INSRR: variants seen among roughly 807,000 people sequenced by gnomAD.
The protein encoded by INSRR is insulin receptor-related protein.
Under a neutral mutation model 130.0 loss-of-function variants are expected in INSRR, and 114 were observed. The ratio of observed to expected loss-of-function variants is 0.88; its 90% CI spans 0.75 to 1.02. The LOEUF is 1.02. Among genes scored for constraint, INSRR ranks in the 50% least tolerant of loss-of-function variants. The probability of loss-of-function intolerance (pLI) is 0.00; values close to 1 mark genes in which losing one functional copy is unlikely to be tolerated. For missense variants in INSRR, 1,657 were observed against 1,735.2 expected (o/e 0.95, Z 0.80); for synonymous variants, 674 against 705.2 (o/e 0.96, Z 0.70).
rs1655341499 is a variant in INSRR, at chr1:156,854,445, C to A, written c.86-142G>T. Reference sequence around the variant, plus strand: ...CTCTGCTCTGGGTGTGGGGTGGCCTCCTTCCTGGGCCCCGGAGGGCTCACC... The same window carrying A: ...CTCTGCTCTGGGTGTGGGGTGGCCTACTTCCTGGGCCCCGGAGGGCTCACC... On this transcript the variant is annotated intron_variant, in intron 1 of 21. Coordinates refer to ENST00000368195, the MANE Select transcript of INSRR (RefSeq NM_014215.3). This position sits in a 1 kb window ranked among gnomAD's most constrained non-coding sequence, Gnocchi z 4.2. 11 of 882,478 alleles carry A rather than the reference C, an allele frequency of 1.2e-5. No homozygotes were observed. The highest frequency in any genetic ancestry group is 2.7e-5 in the East Asian group (1 of 37,432). The allele number at this position is 882,478 out of a possible 1,614,324, so 54.7% of individuals were successfully genotyped here.
intron 5 of INSRR, 101 bp from the exon 6 acceptor site, chr1:156,849,561 G>C (rs970118064): frequency 7.3e-6 from 6 of 824,426 alleles, no homozygotes; most frequent in African/African-American, 3.4e-5. Flanking sequence ...TGCTGGGCCC[G>C]GGGAGAGGGG....
At position 156,845,239 on chromosome 1, in the gene INSRR, C is replaced by G. The variant is rs569399383; in HGVS notation, c.2274G>C (p.Ser758=). The change falls in exon 12 of 22, where the codon TCG becomes TCC. Residue 758 remains serine (S), a synonymous_variant. Transcript: ENST00000368195. ...AGPLRLGGNS[S]DFEIQEDKVP... is the part of the protein sequence containing the mutation. ...CCTTGTCCTCCTGGATCTCGAAATCCGAGCTGTTGCCCCCCAGCCGGAGGG... is the reference window on the plus strand; with the variant it reads ...CCTTGTCCTCCTGGATCTCGAAATCGGAGCTGTTGCCCCCCAGCCGGAGGG... 33 of 1,610,520 alleles carry G rather than the reference C, an allele frequency of 2.0e-5. No homozygotes were observed. The Admixed American group carries it at 3.7e-4, about 18-fold the overall frequency.
chr1:156,845,541 A>G (rs546657424), intron 10 of INSRR, 78 bp downstream of exon 10: 3 of 1,288,420 alleles, frequency 2.3e-6, no homozygotes. Flanking sequence ...CCACCCACAA[A>G]CCCCACCCCT....
At position 156,840,966 on chromosome 1, in the gene INSRR, C is replaced by G. The variant is rs1367571667; in HGVS notation, c.3801G>C (p.Gly1267=). ...LSFYYSPECR[G]ARGSLPTTDA... ...CGGTGGTAGGCAGGGAGCCCCGGGCCCCCCGGCATTCCGGGCTGTAGTAGA... is the reference window on the plus strand; with the variant it reads ...CGGTGGTAGGCAGGGAGCCCCGGGCGCCCCGGCATTCCGGGCTGTAGTAGA... Residue 1267 remains glycine (G), a synonymous_variant, in exon 22 of 22, where the codon GGG becomes GGC. Coordinates refer to ENST00000368195, the MANE Select transcript of INSRR (RefSeq NM_014215.3). 1 of 1,613,684 alleles carries G rather than the reference C, an allele frequency of 6.2e-7. No homozygotes were observed. Among genetic ancestry groups the G allele is most frequent in the East Asian group, 2.2e-5 (1 of 44,878 alleles).
In INSRR at chr1:156,844,837, G is replaced by A. The variant is rs764703861; in HGVS notation, c.2444C>T (p.Ala815Val). ...VFARTMPHRE[A>V]DGIPGKVAWE... ...GGCCACCTTTCCTGGAATACCATCA[G>A]CCTCTCCTGCGGGAAGGGGCATCCA... The change falls in exon 13 of 22, where the codon GCT becomes GTT. Residue 815 changes from alanine to valine, a missense_variant. Ala to Val is a moderately conservative substitution (Grantham distance 64, BLOSUM62 0). Coordinates refer to ENST00000368195, the MANE Select transcript of INSRR (RefSeq NM_014215.3). 4.3e-6 allele frequency: 7 copies of A among 1,613,904 alleles called. No homozygotes were observed. The South Asian group carries it at 6.6e-5, about 15-fold the overall frequency.
At chr1:156,841,563 C>T (rs1328574675) in intron 20 of INSRR, 35 bp from the exon 21 acceptor site, 2 of 1,613,870 alleles carry the variant, frequency 1.2e-6, no homozygotes, top group East Asian at 2.2e-5. Context: ...GCCCAGCACC[C>T]TTCGTGCTAC....
Position 156,858,605 on chromosome 1 carries a change from A to G in INSRR, c.17T>C (p.Leu6Pro). Reference protein sequence around the residue: MAVPSLWPWGACLPVI... With the variant: MAVPSPWPWGACLPVI... ...AGGCAGGCATGCTCCCCAGGGCCACAGACTAGGCACTGCCATTGTCCCAGC... is the reference window on the plus strand; with the variant it reads ...AGGCAGGCATGCTCCCCAGGGCCACGGACTAGGCACTGCCATTGTCCCAGC... Residue 6 changes from leucine (L) to proline (P), a missense_variant, in exon 1 of 22, where the codon CTG becomes CCG. By Grantham distance (98) the Leu-to-Pro change is moderately conservative (BLOSUM62 -3). Transcript: ENST00000368195. The G allele has an allele frequency of 6.2e-7, 1 of 1,614,094 alleles. No homozygotes were observed. The highest frequency in any genetic ancestry group is 8.5e-7 in the Non-Finnish European group (1 of 1,179,986).
Position 156,854,620 on chromosome 1 carries a change from C to A in INSRR, c.86-317G>T, listed in dbSNP as rs1655346246. On this transcript the variant is annotated intron_variant, in intron 1 of 21. Transcript: ENST00000368195. The surrounding 1 kb of genome is among the most constrained non-coding windows in gnomAD (Gnocchi z 4.2). The stretch of plus-strand genomic sequence containing the variant: ...GACTGCAAGCGACTCCCAGCGACTT[C>A]ATTCTTGCAGTCACCCTTAACACCT... Among the ~76,000 whole-genome samples the A allele has an allele frequency of 6.6e-6, 1 of 152,242 alleles. No homozygotes were observed. The highest frequency in any genetic ancestry group is 2.4e-5 in the African/African-American group (1 of 41,472).
In INSRR at chr1:156,858,857, T is replaced by G. The variant is rs572255757; in HGVS notation, c.-236A>C. The G allele has an allele frequency of 1.8e-6, 1 of 565,826 alleles. No homozygotes were observed. Among genetic ancestry groups the G allele is most frequent in the Non-Finnish European group, 3.2e-6 (1 of 315,670 alleles). 35.1% of individuals were successfully genotyped at this position (565,826 alleles called of 1,614,324 possible). On this transcript the variant is annotated 5_prime_UTR_variant, in exon 1 of 22. Transcript: ENST00000368195. ...GGAGACAGAGAGACTCAGCATGAGATTGAGAGATGGGGACAGAGATGCAGA... is the reference window on the plus strand; with the variant it reads ...GGAGACAGAGAGACTCAGCATGAGAGTGAGAGATGGGGACAGAGATGCAGA...
Position 156,844,446 on chromosome 1 carries a change from C to T in INSRR, c.2737+16G>A. ...GCTGTTCGGTGATACAGGTCTGTGACAGAGGCTGTGTATACCTGGGCCAAG... is the reference window on the plus strand; with the variant it reads ...GCTGTTCGGTGATACAGGTCTGTGATAGAGGCTGTGTATACCTGGGCCAAG... On this transcript the variant is annotated intron_variant, in intron 14 of 21. Coordinates refer to ENST00000368195, the MANE Select transcript of INSRR (RefSeq NM_014215.3). The T allele has an allele frequency of 6.2e-7, 1 of 1,610,390 alleles. No homozygotes were observed. The highest frequency in any genetic ancestry group is 1.3e-5 in the African/African-American group (1 of 74,988).
chr1:156,848,997 T>G lies in INSRR; in HGVS notation c.1495A>C (p.Ile499Leu). 1 of 1,612,972 alleles carries G rather than the reference T, an allele frequency of 6.2e-7. No individual in the cohort carries two copies. The highest frequency in any genetic ancestry group is 8.5e-7 in the Non-Finnish European group (1 of 1,179,750). Reference sequence around the variant, plus strand: ...TCATAGCGCTCCCAGCGTAGCAGGATGCGGTCTGCCTCCGTCACGTTGGAC... The same window carrying G: ...TCATAGCGCTCCCAGCGTAGCAGGAGGCGGTCTGCCTCCGTCACGTTGGAC... ...FVSNVTEADR[I>L]LLRWERYEPL... The change falls in exon 7 of 22, where the codon ATC becomes CTC. Residue 499 changes from isoleucine to leucine, a missense_variant. Physicochemically the swap from Ile to Leu is conservative, Grantham distance 5 (BLOSUM62 2). Transcript: ENST00000368195.
rs1394227769 is a variant in INSRR, at chr1:156,848,914, C to G, written c.1571+7G>C. On this transcript the variant is annotated splice_region_variant and intron_variant, in intron 7 of 21. Coordinates refer to ENST00000368195, the MANE Select transcript of INSRR (RefSeq NM_014215.3). Reference sequence around the variant, plus strand: ...GCCCCCGCTCCGGCCCCGCCCCCGGCACTCACGACTCCTTGTAGTACACGA... The same window carrying G: ...GCCCCCGCTCCGGCCCCGCCCCCGGGACTCACGACTCCTTGTAGTACACGA... 20 of 1,561,916 alleles carry G rather than the reference C, an allele frequency of 1.3e-5. No homozygotes were observed. In the Admixed American group the frequency reaches 1.5e-4, roughly 12 times the overall value.
intron 10 of INSRR, 70 bp downstream of exon 10, chr1:156,845,549 C>G: frequency 1.4e-6 from 2 of 1,379,700 alleles, no homozygotes; most frequent in Non-Finnish European, 1.9e-6. Context: ...AAACCCCACC[C>G]CTCCCGCAAG....
intron 2 of INSRR, among the ~76,000 whole-genome samples, 188 bp downstream of exon 2, chr1:156,853,564 G>A (rs1655304060): frequency 6.6e-6 from 1 of 152,108 alleles, no homozygotes. Flanking sequence ...CTACCCCTTA[G>A]CTGTCTTATG....
In INSRR at chr1:156,849,252, C is replaced by T; in HGVS notation, c.1438G>A (p.Ala480Thr). Residue 480 changes from alanine (A) to threonine (T), a missense_variant, in exon 6 of 22, where the codon GCC becomes ACC. By Grantham distance (58) the Ala-to-Thr change is moderately conservative. Coordinates refer to ENST00000368195, the MANE Select transcript of INSRR (RefSeq NM_014215.3). ...ACTGGGGTTGGGGTCTCACAGGCGG[C>T]GCGGTCTCCGTTGGTGCGGGGGTTG... ...EINPRTNGDR[A>T]ACQTRTLRFV... is the part of the protein sequence containing the mutation. The T allele has an allele frequency of 6.2e-7, 1 of 1,613,670 alleles. No homozygotes were observed. Among genetic ancestry groups the T allele is most frequent in the Non-Finnish European group, 8.5e-7 (1 of 1,179,984 alleles).
chr1:156,842,465 A>G lies in INSRR; in HGVS notation c.3170T>C (p.Val1057Ala). The G allele has an allele frequency of 6.2e-7, 1 of 1,613,978 alleles. No individual in the cohort carries two copies. Among genetic ancestry groups the G allele is most frequent in the Non-Finnish European group, 8.5e-7 (1 of 1,179,974 alleles). The change falls in exon 18 of 22, where the codon GTC becomes GCC. Residue 1057 changes from valine to alanine, a missense_variant. Coordinates refer to ENST00000368195, the MANE Select transcript of INSRR (RefSeq NM_014215.3). ...CCCACGGGTCATTAACTCCATGATGACCAGAGTTGGCTGGCCCTGAGATAC... is the reference window on the plus strand; with the variant it reads ...CCCACGGGTCATTAACTCCATGATGGCCAGAGTTGGCTGGCCCTGAGATAC... ...GVVSQGQPTL[V>A]IMELMTRGDL...
intron 1 of INSRR, 127 bp downstream of exon 1, chr1:156,858,410 C>T (rs1655485845): frequency 5.4e-6 from 4 of 735,444 alleles, no homozygotes; most frequent in South Asian, 3.0e-5. Context: ...TTCTCCTGAG[C>T]GCTAACCCCA....
chr1:156,849,509 G>GCCC, intron 5 of INSRR, 49 bp from the exon 6 acceptor site: 1 of 1,105,816 alleles, frequency 9.0e-7, no homozygotes, highest in Admixed American at 1.8e-5. Flanking sequence ...GGGGCAGGGG[G>GCCC]TGGGAAAGGG....
intron 19 of INSRR, 73 bp from the exon 20 acceptor site, chr1:156,841,867 C>A (rs1320574665): frequency 1.2e-6 from 2 of 1,610,318 alleles, no homozygotes; most frequent in Non-Finnish European, 1.7e-6. Flanking sequence ...CCCTGGGATA[C>A]CTCTCCCAAT....
Sources: allele counts gnomAD v4.1 joint callset (sites outside exome capture counted in the v4.1 genomes callset), GRCh38; gene constraint gnomAD v4.1.1; non-coding constraint Gnocchi (gnomAD v3.1); transcripts MANE v1.5; gene names NCBI Gene and HGNC (gene_info 2026-07-23, HGNC 2026-07-21).